The following TSG101 variants were observed in gnomAD, a reference collection of about 807,000 sequenced individuals.
TSG101 encodes tumor susceptibility gene 101 protein.
A neutral mutation model predicts 48.5 loss-of-function variants in TSG101; 19 were observed. The observed-to-expected ratio is 0.39, with a 90% confidence interval of 0.27 to 0.58. The LOEUF (loss-of-function observed/expected upper bound fraction) is 0.58, where lower values mean the gene tolerates loss of function less well. TSG101 is among the 20% of genes least tolerant of loss of function. The pLI is 0.55. For missense variants in TSG101, 365 were observed against 484.4 expected, an observed-to-expected ratio of 0.75 and a Z score of 2.31; for synonymous variants, 174 against 169.4, an observed-to-expected ratio of 1.03 and a Z score of -0.21.
rs374013951 is a variant in TSG101 at position 18,516,157 on chromosome 11, G to A, written c.135C>T (p.Asn45=). ...TCATTAGTTCCCTGGAACTGCCATC[G>A]TTAAAAACTGAAAGGAAAGAACAAT... ...LKPVLDSYVF[N]DGSSRELMNL... The change falls in exon 3 of 10, where the codon AAC becomes AAT. Residue 45 remains asparagine (N), a synonymous_variant. Coordinates refer to ENST00000251968, the MANE Select transcript of TSG101 (RefSeq NM_006292.4). 22 of 1,613,454 alleles carry A rather than the reference G, an allele frequency of 1.4e-5. No individual in the cohort carries two copies. The highest frequency in any genetic ancestry group is 6.6e-5 in the South Asian group (6 of 91,030).
At chr11:18,499,379 TAA>T in intron 7 of TSG101, among the ~76,000 whole-genome samples, 3 of 18,790 alleles carry the variant, frequency 1.6e-4, no homozygotes, top group African/African-American at 4.8e-4. Flanking sequence ...TGTTTATATT[TAA>T]ATATATATAT....
chr11:18,488,241 GTTT>G, intron 7 of TSG101, among the ~76,000 whole-genome samples: 1 of 151,920 alleles, frequency 6.6e-6, no homozygotes, highest in African/African-American at 2.4e-5. Flanking sequence ...AGGGATTTTT[GTTT>G]TTTTTCTTTT....
intron 5 of TSG101, among the ~76,000 whole-genome samples, chr11:18,509,007 G>T (rs1434779038): frequency 6.6e-6 from 1 of 152,020 alleles, no homozygotes; most frequent in African/African-American, 2.4e-5. Flanking sequence ...TCCAATTAGG[G>T]GAGAAGCAAC....
At position 18,480,621 on chromosome 11, in the gene TSG101, C is replaced by T. The variant is rs1380476593; in HGVS notation, c.1098G>A (p.Leu366=). 6.2e-7 allele frequency: 1 copy of T among 1,613,808 alleles called. No homozygotes were observed. Among genetic ancestry groups the T allele is most frequent in the Non-Finnish European group, 8.5e-7 (1 of 1,179,878 alleles). ...CCCTCAGCTGGAACTGTTTACGGGA[C>T]AGAAGACGTACATGCTGGGAGGGGA... ...LDVFLKHVRL[L]SRKQFQLRAL... The change falls in exon 10 of 10, where the codon CTG becomes CTA. Residue 366 remains leucine, a synonymous_variant. Transcript: ENST00000251968.
chr11:18,510,431 A>G (rs933120626), intron 4 of TSG101, among the ~76,000 whole-genome samples: 1 of 152,212 alleles, frequency 6.6e-6, no homozygotes, highest in Non-Finnish European at 1.5e-5. Flanking sequence ...AAAACAAACA[A>G]ACAAAAAAAT....
intron 7 of TSG101, chr11:18,490,471 C>A (rs1849682151): frequency 1.9e-6 from 1 of 522,732 alleles, no homozygotes. Flanking sequence ...CCAAGTCAAA[C>A]TGGATGTGTA....
chr11:18,507,642 T>C (rs1849997012), intron 5 of TSG101: 1 of 131,726 alleles, frequency 7.6e-6, no homozygotes, highest in Middle Eastern at 3.5e-3. Context: ...ATCTTGAGCT[T>C]AACTGACAAA....
chr11:18,487,704 A>C (rs1053852568), intron 7 of TSG101, among the ~76,000 whole-genome samples: 1 of 152,134 alleles, frequency 6.6e-6, no homozygotes, highest in African/African-American at 2.4e-5. Flanking sequence ...AAAACAAAAG[A>C]AACAAAAAAA....
In TSG101 at chr11:18,483,928, T is replaced by C; in HGVS notation, c.785A>G (p.Asp262Gly). ...ELNALKRTEE[D>G]LKKGHQKLEE... ...CAGTTTCTGGTGACCCTTTTTCAGG[T>C]CTTCTTCTGTTCGTTTCAAGGCATT... The change falls in exon 8 of 10, where the codon GAC (aspartate) becomes GGC (glycine). Residue 262 changes from aspartate to glycine, a missense_variant. Asp to Gly is a moderately conservative substitution (Grantham distance 94). Transcript: ENST00000251968. 3 of 1,614,130 alleles carry C rather than the reference T, an allele frequency of 1.9e-6. No homozygotes were observed. Among genetic ancestry groups the C allele is most frequent in the Non-Finnish European group, 2.5e-6 (3 of 1,180,000 alleles).
rs140210743 is a variant in TSG101, at chr11:18,492,372, T to G, written c.641-8300A>C. ...GAAAACTTAAGAGTCTTTTTATAGT[T>G]AGTGAATTTTTCACACATAAACACA... On this transcript the variant is annotated intron_variant, in intron 7 of 9. Coordinates refer to ENST00000251968, the MANE Select transcript of TSG101 (RefSeq NM_006292.4). Among the ~76,000 whole-genome samples, 226 of 152,350 alleles carry G rather than the reference T, an allele frequency of 1.5e-3. 1 individual carries two copies. The highest frequency in any genetic ancestry group is 5.2e-3 in the African/African-American group (216 of 41,582).
intron 7 of TSG101, among the ~76,000 whole-genome samples, chr11:18,501,512 T>C (rs1849887046): frequency 6.6e-6 from 1 of 152,238 alleles, no homozygotes; most frequent in African/African-American, 2.4e-5. Context: ...TCGGTTACTA[T>C]AACCTTGTAA....
chr11:18,495,666 GTTTTTT>G (rs35958204), intron 7 of TSG101, among the ~76,000 whole-genome samples: 1 of 135,910 alleles, frequency 7.4e-6, no homozygotes, highest in Non-Finnish European at 1.6e-5. Context: ...TACCAGTTAG[GTTTTTT>G]TTTTTTTTTT....
intron 9 of TSG101, 78 bp downstream of exon 9, chr11:18,481,552 C>G: frequency 6.5e-7 from 1 of 1,541,140 alleles, no homozygotes; most frequent in Non-Finnish European, 8.7e-7. Flanking sequence ...CAAAGAAACT[C>G]TCTTGGTTTG....
intron 7 of TSG101, among the ~76,000 whole-genome samples, chr11:18,502,018 T>G (rs1022684060): frequency 6.6e-6 from 1 of 152,196 alleles, no homozygotes; most frequent in Non-Finnish European, 1.5e-5. Context: ...TCTAAAGAAA[T>G]TCTCTCACTG....
intron 5 of TSG101, 21 bp from the exon 6 acceptor site, chr11:18,506,944 A>C (rs751703632): frequency 2.5e-6 from 4 of 1,599,006 alleles, no homozygotes; most frequent in South Asian, 1.1e-5. Context: ...TTTTTTTCAC[A>C]TTGTAAAAAT....
intron 7 of TSG101, among the ~76,000 whole-genome samples, chr11:18,496,314 T>C (rs972059557): frequency 3.3e-5 from 5 of 151,270 alleles, no homozygotes; most frequent in South Asian, 2.1e-4. Context: ...TGGTGGCACA[T>C]GCCTATAGTC....
intron 1 of TSG101, among the ~76,000 whole-genome samples, chr11:18,521,248 G>T (rs147087579): frequency 4.8e-4 from 73 of 151,256 alleles, no homozygotes; most frequent in African/African-American, 1.6e-3. Flanking sequence ...GTTCATTAAG[G>T]TCACCAATAA....
intron 7 of TSG101, among the ~76,000 whole-genome samples, chr11:18,487,043 C>G (rs1187198342): frequency 2.7e-5 from 4 of 148,158 alleles, no homozygotes; most frequent in Non-Finnish European, 5.9e-5. Flanking sequence ...ACTGCATGTT[C>G]TCACTCATAG....
In TSG101 at chr11:18,481,799, A is replaced by AT; in HGVS notation, c.913dup (p.Met305AsnfsTer6). 1.2e-6 allele frequency: 2 copies of AT among 1,614,076 alleles called. No individual in the cohort carries two copies. Among genetic ancestry groups the AT allele is most frequent in the Non-Finnish European group, 1.7e-6 (2 of 1,180,010 alleles). ...ATCATTGTTTTCAGACTGATTTTCC[A>AT]TTTTTTCCAGAGCAGAACTGAGTTC... On this transcript the variant is annotated frameshift_variant, in exon 9 of 10. Coordinates refer to ENST00000251968, the MANE Select transcript of TSG101 (RefSeq NM_006292.4). LOFTEE classifies it high-confidence loss of function.
Sources: allele counts gnomAD v4.1 joint callset (sites outside exome capture counted in the v4.1 genomes callset), GRCh38; gene constraint gnomAD v4.1.1; transcripts MANE v1.5; gene names NCBI Gene and HGNC (gene_info 2026-07-23, HGNC 2026-07-21).